USP20: variants seen among roughly 807,000 people sequenced by gnomAD.
USP20 encodes ubiquitin carboxyl-terminal hydrolase 20.
In USP20, 80 loss-of-function variants were observed where a neutral mutation model predicts 124.2. The ratio of observed to expected loss-of-function variants is 0.64; its 90% CI spans 0.54 to 0.78. The LOEUF (loss-of-function observed/expected upper bound fraction) is 0.78, where lower values mean the gene tolerates loss of function less well. Ranked by LOEUF, USP20 falls within the 30% of genes least tolerant of loss-of-function variation. The pLI is 0.00. For missense variants in USP20, 1,043 were observed against 1,244.4 expected (o/e 0.84, Z 2.44); for synonymous variants, 481 against 512.3 (o/e 0.94, Z 0.83).
intron 1 of USP20, among the ~76,000 whole-genome samples, chr9:129,840,128 A>G (rs911083301): frequency 1.3e-5 from 2 of 152,226 alleles, no homozygotes; most frequent in African/African-American, 2.4e-5. Context: ...CTTGTTGTAC[A>G]GTAGGTCCTA....
intron 1 of USP20, among the ~76,000 whole-genome samples, chr9:129,846,241 A>T (rs1364041338): frequency 1.1e-3 from 29 of 26,494 alleles, no homozygotes; most frequent in South Asian, 5.2e-3. Flanking sequence ...ATATATATAT[A>T]TATATATTTT....
intron 12 of USP20, 132 bp downstream of exon 12, chr9:129,869,134 C>T (rs1037527884): frequency 1.2e-5 from 17 of 1,417,798 alleles, no homozygotes; most frequent in Non-Finnish European, 1.6e-5. Context: ...CCTGAGACAC[C>T]AGTGTGGGAG....
At chr9:129,836,258 C>T (rs757686647) in intron 1 of USP20, among the ~76,000 whole-genome samples, 4 of 152,216 alleles carry the variant, frequency 2.6e-5, no homozygotes, top group African/African-American at 9.7e-5. Flanking sequence ...TTCTCAGTGT[C>T]ATCCCTTACT....
At chr9:129,856,610 C>T (rs1420619906) in intron 4 of USP20, among the ~76,000 whole-genome samples, 1 of 152,218 alleles carries the variant, frequency 6.6e-6, no homozygotes, top group African/African-American at 2.4e-5. Context: ...ACTGAAGGCT[C>T]CCTTCTTCAT....
intron 2 of USP20, among the ~76,000 whole-genome samples, chr9:129,851,407 C>T (rs925499187): frequency 6.6e-6 from 1 of 152,022 alleles, no homozygotes; most frequent in Admixed American, 6.6e-5. Flanking sequence ...TACAGGCATG[C>T]ACCAGCATCC....
chr9:129,869,559 G>A, intron 13 of USP20, 113 bp from the exon 14 acceptor site: 1 of 1,541,006 alleles, frequency 6.5e-7, no homozygotes, highest in Non-Finnish European at 8.9e-7. Flanking sequence ...TGCCTGCGTG[G>A]ATCCCGTGTC....
At chr9:129,858,645 G>A (rs2131062646) in intron 6 of USP20, 47 bp downstream of exon 6, 1 of 1,604,646 alleles carries the variant, frequency 6.2e-7, no homozygotes, top group East Asian at 2.2e-5. Context: ...ACACTGTGTT[G>A]AGGATGAGGC....
chr9:129,875,115 A>C (rs1199076800), intron 19 of USP20, among the ~76,000 whole-genome samples, 160 bp downstream of exon 19: 1 of 152,206 alleles, frequency 6.6e-6, no homozygotes, highest in East Asian at 1.9e-4. Flanking sequence ...TGGGGAACCC[A>C]GGAAGGCAGC....
intron 6 of USP20, among the ~76,000 whole-genome samples, chr9:129,858,895 C>A (rs1184884620): frequency 1.3e-5 from 2 of 152,092 alleles, no homozygotes; most frequent in African/African-American, 4.8e-5. Context: ...GGGGTGGGCC[C>A]AGGGCCATGA....
At chr9:129,870,023 T>C in intron 14 of USP20, 179 bp downstream of exon 14, 1 of 721,038 alleles carries the variant, frequency 1.4e-6, no homozygotes, top group Non-Finnish European at 2.2e-6. Context: ...TTGGCTACTT[T>C]GAAGTGGCCA....
At chr9:129,880,439 C>A in intron 25 of USP20, 28 bp from the exon 26 acceptor site, 1 of 949,330 alleles carries the variant, frequency 1.1e-6, no homozygotes, top group South Asian at 1.7e-5. Context: ...TGGCCCGGCC[C>A]CACTGCTGAG....
At position 129,858,063 on chromosome 9, in the gene USP20, A is replaced by C. The variant is rs1023537294; in HGVS notation, c.149A>C (p.Tyr50Ser). 6.2e-7 allele frequency: 1 copy of C among 1,613,930 alleles called. No individual in the cohort carries two copies. The highest frequency in any genetic ancestry group is 1.3e-5 in the African/African-American group (1 of 75,012). ...LWACLQVACP[Y>S]VGCGESFADH... Reference sequence around the variant, plus strand: ...CTCTCTTCCCAGGTTGCCTGCCCCTATGTTGGCTGCGGAGAATCCTTTGCT... The same window carrying C: ...CTCTCTTCCCAGGTTGCCTGCCCCTCTGTTGGCTGCGGAGAATCCTTTGCT... Residue 50 changes from tyrosine to serine, a missense_variant, in exon 5 of 26, where the codon TAT becomes TCT. By Grantham distance (144) the Tyr-to-Ser change is moderately radical (BLOSUM62 -2). Coordinates refer to ENST00000372429, the MANE Select transcript of USP20 (RefSeq NM_001110303.4).
intron 10 of USP20, 110 bp from the exon 11 acceptor site, chr9:129,867,895 C>A (rs957238458): frequency 2.9e-6 from 4 of 1,358,918 alleles, no homozygotes; most frequent in Non-Finnish European, 3.9e-6. Context: ...GCAGGGGGCG[C>A]CCATGAGGTC....
intron 3 of USP20, among the ~76,000 whole-genome samples, chr9:129,855,637 A>G (rs1465759879): frequency 6.6e-6 from 1 of 152,192 alleles, no homozygotes; most frequent in African/African-American, 2.4e-5. Context: ...AGTGGCACAC[A>G]TCGTTTTTGC....
chr9:129,858,793 T>C (rs1440408685), intron 6 of USP20, among the ~76,000 whole-genome samples, 195 bp downstream of exon 6: 1 of 152,136 alleles, frequency 6.6e-6, no homozygotes, highest in Non-Finnish European at 1.5e-5. Flanking sequence ...CCGAGGCATG[T>C]GTGAGACCAT....
chr9:129,852,344 C>T lies in USP20; in HGVS notation c.-16-196C>T, dbSNP rs41278738. On this transcript the variant is annotated intron_variant, in intron 2 of 25. Coordinates refer to ENST00000372429, the MANE Select transcript of USP20 (RefSeq NM_001110303.4). ...AGACATTGTCTCCGTGACCTAGGAG[C>T]GACCCACTGGGGCAACTGTTATCTT... 5.1e-3 allele frequency among the ~76,000 whole-genome samples: 780 copies of T among 152,288 alleles called. 6 individuals carry two copies. The highest frequency in any genetic ancestry group is 0.02 in the East Asian group (105 of 5,184).
intron 3 of USP20, among the ~76,000 whole-genome samples, chr9:129,853,450 A>AT (rs1480810194): frequency 6.6e-6 from 1 of 152,176 alleles, no homozygotes; most frequent in Non-Finnish European, 1.5e-5. Flanking sequence ...CCTCTTGCCG[A>AT]TACACATGAT....
chr9:129,847,839 T>G (rs2032669451), intron 1 of USP20, among the ~76,000 whole-genome samples: 1 of 152,194 alleles, frequency 6.6e-6, no homozygotes, highest in Non-Finnish European at 1.5e-5. Flanking sequence ...TCATCAGTTT[T>G]GTCTGTCTTG....
chr9:129,871,344 G>A (rs2034119382), intron 15 of USP20, among the ~76,000 whole-genome samples: 1 of 150,820 alleles, frequency 6.6e-6, no homozygotes, highest in South Asian at 2.1e-4. Context: ...CGTGTGTGTC[G>A]GAATGCCCTG....
Sources: gnomAD v4.1 joint callset for allele counts (sites outside exome capture counted in the v4.1 genomes callset) on GRCh38, gnomAD v4.1.1 for gene constraint, MANE v1.5 for transcripts, NCBI Gene and HGNC (gene_info 2026-07-23, HGNC 2026-07-21) for gene names.